Variants in CDH18 observed in about 807,000 individuals in gnomAD.
CDH18 encodes cadherin-18.
A neutral mutation model predicts 67.9 loss-of-function variants in CDH18; 31 were observed. That is an observed-to-expected ratio of 0.46 (90% CI 0.34 to 0.62). The LOEUF (loss-of-function observed/expected upper bound fraction) is 0.62. Among genes scored for constraint, CDH18 ranks in the 20% least tolerant of loss-of-function variants. The pLI is 0.01. For synonymous variants in CDH18, 362 were observed against 347.2 expected (o/e 1.04, Z -0.48); for missense variants, 890 against 975.5 (o/e 0.91, Z 1.17).
chr5:20,298,161 T>C (rs1212789532), intron 1 of CDH18, among the ~76,000 whole-genome samples: 1 of 152,166 alleles, frequency 6.6e-6, no homozygotes, highest in Non-Finnish European at 1.5e-5. Flanking sequence ...TTTAACTTTT[T>C]GCATAGGGAA....
chr5:20,448,405 T>C (rs1450650403), intron 1 of CDH18, among the ~76,000 whole-genome samples: 2 of 152,232 alleles, frequency 1.3e-5, no homozygotes, highest in Admixed American at 6.5e-5. Context: ...ATGACAGATA[T>C]TCTTTATGTT....
chr5:19,731,437 T>A (rs1158032625), intron 4 of CDH18, among the ~76,000 whole-genome samples: 2 of 151,866 alleles, frequency 1.3e-5, no homozygotes, highest in Non-Finnish European at 2.9e-5. Flanking sequence ...GGTGACAGAG[T>A]GAGACTCCAT....
At chr5:20,339,360 G>T (rs1740054764) in intron 1 of CDH18, among the ~76,000 whole-genome samples, 1 of 152,108 alleles carries the variant, frequency 6.6e-6, no homozygotes, top group Non-Finnish European at 1.5e-5. Context: ...GCAAACATGA[G>T]CGTAAATGGT....
At chr5:20,231,144 A>C (rs1742036797) in intron 2 of CDH18, among the ~76,000 whole-genome samples, 2 of 152,194 alleles carry the variant, frequency 1.3e-5, no homozygotes, top group African/African-American at 4.8e-5. Context: ...TTATCTACAA[A>C]ACTTGAAATC....
chr5:19,976,960 A>C (rs1337878345), intron 2 of CDH18, among the ~76,000 whole-genome samples: 1 of 152,168 alleles, frequency 6.6e-6, no homozygotes, highest in African/African-American at 2.4e-5. Context: ...GAATAAAATT[A>C]ATGTTTGCAT....
chr5:20,003,245 T>C (rs989104011), intron 2 of CDH18, among the ~76,000 whole-genome samples: 2 of 152,178 alleles, frequency 1.3e-5, no homozygotes, highest in Non-Finnish European at 2.9e-5. Flanking sequence ...TATTCAAATC[T>C]GCAAACTTTA....
intron 2 of CDH18, among the ~76,000 whole-genome samples, chr5:20,172,230 A>ATATATGTATATATATATATACG (rs1233845934): frequency 0.015 from 1,430 of 96,564 alleles, 147 homozygotes; most frequent in Non-Finnish European, 0.024. Context: ...ATATGTATAT[A>ATATATGTATATATATATATACG]TATATATATG....
At chr5:20,017,086 C>T (rs1911859) in intron 2 of CDH18, among the ~76,000 whole-genome samples, 21,762 of 151,902 alleles carry the variant, frequency 0.14, 3,653 homozygotes, top group African/African-American at 0.4. Flanking sequence ...GATGTGTTCT[C>T]TGAAAAAAAT....
chr5:20,455,250 G>C (rs1284786542), intron 1 of CDH18, among the ~76,000 whole-genome samples: 1 of 152,080 alleles, frequency 6.6e-6, no homozygotes, highest in Non-Finnish European at 1.5e-5. Flanking sequence ...CTGTTGGGAA[G>C]TGTCATCTTA....
chr5:19,686,037 C>T (rs537495509), intron 5 of CDH18, among the ~76,000 whole-genome samples: 1 of 152,118 alleles, frequency 6.6e-6, no homozygotes, highest in South Asian at 2.1e-4. Flanking sequence ...TAATAAATTC[C>T]TAGAAGTGTG....
At chr5:20,447,879 C>T (rs1750124414) in intron 1 of CDH18, among the ~76,000 whole-genome samples, 1 of 151,778 alleles carries the variant, frequency 6.6e-6, no homozygotes, top group Non-Finnish European at 1.5e-5. Context: ...TCTTTGAGAT[C>T]TCTTATTTTA....
At chr5:20,340,287 G>A (rs1482990045) in intron 1 of CDH18, among the ~76,000 whole-genome samples, 1 of 152,130 alleles carries the variant, frequency 6.6e-6, no homozygotes, top group Non-Finnish European at 1.5e-5. Context: ...TAAGCCATAG[G>A]ACCAGATAAC....
At chr5:19,864,258 C>G (rs1489654859) in intron 2 of CDH18, among the ~76,000 whole-genome samples, 1 of 150,668 alleles carries the variant, frequency 6.6e-6, no homozygotes, top group Non-Finnish European at 1.5e-5. Context: ...AATCATCATT[C>G]TCAGTAAACT....
chr5:20,163,238 CCT>C (rs1451250309), intron 2 of CDH18, among the ~76,000 whole-genome samples: 1 of 151,888 alleles, frequency 6.6e-6, no homozygotes, highest in African/African-American at 2.4e-5. Context: ...AATACAGAGC[CCT>C]GTTTCACCCT....
chr5:20,356,482 T>C (rs1215495006), intron 1 of CDH18, among the ~76,000 whole-genome samples: 1 of 152,112 alleles, frequency 6.6e-6, no homozygotes, highest in African/African-American at 2.4e-5. Context: ...ACTCAAGATA[T>C]ATAAAGAGTT....
At chr5:20,044,099 A>G (rs560299399) in intron 2 of CDH18, among the ~76,000 whole-genome samples, 2 of 152,318 alleles carry the variant, frequency 1.3e-5, no homozygotes, top group East Asian at 3.9e-4. Flanking sequence ...AATACATATT[A>G]GTTGGCTGAA....
intron 1 of CDH18, among the ~76,000 whole-genome samples, chr5:20,487,153 G>A (rs542546704): frequency 6.6e-6 from 1 of 152,128 alleles, no homozygotes; most frequent in Non-Finnish European, 1.5e-5. Flanking sequence ...TTGAAACAAA[G>A]TTTCCCATGG....
In CDH18 at chr5:20,220,550, A is replaced by T. The variant is rs540945070; in HGVS notation, c.-518+34894T>A. Among the ~76,000 whole-genome samples the T allele has an allele frequency of 5.9e-5, 9 of 152,030 alleles. No individual in the cohort carries two copies. In the South Asian group the frequency reaches 1.0e-3, roughly 18 times the overall value. On this transcript the variant is annotated intron_variant, in intron 2 of 14. Transcript: ENST00000507958. ...ATAAGAAAATATTGGGGAAACTCCA[A>T]GACATTGGACTGGGCAAAAATTTCT...
intron 1 of CDH18, among the ~76,000 whole-genome samples, chr5:20,437,918 T>C (rs1749296501): frequency 6.6e-6 from 1 of 151,348 alleles, no homozygotes; most frequent in African/African-American, 2.4e-5. Flanking sequence ...TTCAATCTGC[T>C]TAAGGATGTT....
Sources: gnomAD v4.1 joint callset for allele counts (sites outside exome capture counted in the v4.1 genomes callset) on GRCh38, gnomAD v4.1.1 for gene constraint, MANE v1.5 for transcripts, NCBI Gene and HGNC (gene_info 2026-07-23, HGNC 2026-07-21) for gene names.